The following PUM3 variants were observed in gnomAD, a reference collection of about 807,000 sequenced individuals.
The protein encoded by PUM3 is pumilio homolog 3.
A neutral mutation model predicts 84.0 loss-of-function variants in PUM3; 91 were observed. That is an observed-to-expected ratio of 1.08 (90% CI 0.91 to 1.29). PUM3 has a LOEUF of 1.29. Among genes scored for constraint, PUM3 ranks in the 50% most tolerant of loss-of-function variants. PUM3 has a pLI of 0.00. For missense variants in PUM3, 1,067 were observed against 767.5 expected (o/e 1.39, Z -4.61); for synonymous variants, 321 against 266.7 (o/e 1.20, Z -1.98).
chr9:2,834,802 C>G lies in PUM3; in HGVS notation c.305-636G>C, dbSNP rs1816075662. On this transcript the variant is annotated intron_variant, in intron 3 of 17. Transcript: ENST00000397885. ...GAACAACCAAAATTTCCAAGTTCGCCACAAACAGAGTGATACTATAAAAGT... is the reference window on the plus strand; with the variant it reads ...GAACAACCAAAATTTCCAAGTTCGCGACAAACAGAGTGATACTATAAAAGT... Among the ~76,000 whole-genome samples, 4 of 149,692 alleles carry G rather than the reference C, an allele frequency of 2.7e-5. No homozygotes were observed. The South Asian group carries it at 8.8e-4, about 33-fold the overall frequency.
chr9:2,807,720 G>A (rs1028168783), intron 17 of PUM3, 94 bp downstream of exon 17: 21 of 763,810 alleles, frequency 2.7e-5, no homozygotes, highest in South Asian at 1.6e-5. Flanking sequence ...TTAGACTACT[G>A]AGAACAAATA....
Position 2,804,275 on chromosome 9 carries a change from G to T in PUM3, c.*56C>A, listed in dbSNP as rs1821215965. 1.3e-6 allele frequency: 2 copies of T among 1,569,030 alleles called. No individual in the cohort carries two copies. The highest frequency in any genetic ancestry group is 1.4e-5 in the African/African-American group (1 of 73,388). The stretch of plus-strand genomic sequence containing the variant: ...ACCCTACCCCTTCTTTTCTGCATTG[G>T]GAAACAGAACAGAGAACAGAAAAAA... On this transcript the variant is annotated 3_prime_UTR_variant, in exon 18 of 18. Coordinates refer to ENST00000397885, the MANE Select transcript of PUM3 (RefSeq NM_014878.5).
intron 9 of PUM3, 45 bp from the exon 10 acceptor site, chr9:2,827,196 C>T (rs897851588): frequency 7.3e-7 from 1 of 1,373,426 alleles, no homozygotes. Flanking sequence ...AGATCTGGCA[C>T]TACAGTCATA....
At chr9:2,822,732 A>G (rs1447092876) in intron 12 of PUM3, among the ~76,000 whole-genome samples, 1 of 146,500 alleles carries the variant, frequency 6.8e-6, no homozygotes, top group Non-Finnish European at 1.5e-5. Context: ...TTATAACATA[A>G]TAATATAATG....
chr9:2,829,463 C>T (rs1156621252), intron 8 of PUM3, among the ~76,000 whole-genome samples: 3 of 152,194 alleles, frequency 2.0e-5, no homozygotes, highest in Non-Finnish European at 4.4e-5. Flanking sequence ...CACAACTTTG[C>T]TAACTATTGG....
At chr9:2,833,317 C>T (rs1816032626) in intron 5 of PUM3, 40 bp downstream of exon 5, 3 of 1,103,970 alleles carry the variant, frequency 2.7e-6, no homozygotes, top group Middle Eastern at 2.0e-4. Flanking sequence ...GAGGCAACTT[C>T]AACTGTTAAA....
At chr9:2,825,681 C>A (rs1208268339) in intron 10 of PUM3, among the ~76,000 whole-genome samples, 1 of 152,022 alleles carries the variant, frequency 6.6e-6, no homozygotes, top group African/African-American at 2.4e-5. Flanking sequence ...TGGGTTTCAC[C>A]ATATTGGCCA....
rs2270891 is a variant in PUM3, at chr9:2,828,742, C to A, written c.889G>T (p.Val297Leu). Residue 297 changes from valine (V) to leucine (L), a missense_variant, in exon 9 of 18, where the codon GTA becomes TTA. Transcript: ENST00000397885. ...ATAAGTTCTAATTTTTCTGGCTGTACCTCTAACACTTTGTCCAGAGTTCGG... is the reference window on the plus strand; with the variant it reads ...ATAAGTTCTAATTTTTCTGGCTGTAACTCTAACACTTTGTCCAGAGTTCGG... ...DHRTLDKVLE[V>L]QPEKLELIMD... The A allele has an allele frequency of 0.038, 60,671 of 1,605,370 alleles. 1,348 individuals carry two copies. Among genetic ancestry groups the A allele is most frequent in the East Asian group, 0.097 (4,359 of 44,770 alleles).
intron 1 of PUM3, among the ~76,000 whole-genome samples, chr9:2,839,309 G>A (rs1816208619): frequency 6.6e-6 from 1 of 152,092 alleles, no homozygotes; most frequent in African/African-American, 2.4e-5. Context: ...TTTGAAAGCT[G>A]GCTGTAAACA....
chr9:2,807,920 A>C lies in PUM3; in HGVS notation c.1724-16T>G. The C allele has an allele frequency of 6.6e-7, 1 of 1,505,580 alleles. No individual in the cohort carries two copies. The highest frequency in any genetic ancestry group is 1.1e-5 in the South Asian group (1 of 88,832). 93.3% of individuals were successfully genotyped at this position (1,505,580 alleles called of 1,614,324 possible). A position where few individuals can be genotyped will look rare whatever the true frequency, so the allele number is the denominator to read the frequency against. On this transcript the variant is annotated splice_polypyrimidine_tract_variant and intron_variant, in intron 16 of 17. Transcript: ENST00000397885. ...GCAAAACAACCTGTAAAATATACTG[A>C]AGCTTAGTGAACATCACATAATAAG... is the stretch of plus-strand genomic sequence containing the variant.
Position 2,824,741 on chromosome 9 carries a change from G to A in PUM3, c.1110C>T (p.His370=). ...CCTTGGGCGTGCCATGCCACAGGCA[G>A]TGCATGGCCACTCTGGCGCCATCGT... is the stretch of plus-strand genomic sequence containing the variant. ...HTHDGARVAM[H]CLWHGTPKDR... The change falls in exon 11 of 18, where the codon CAC becomes CAT. Residue 370 remains histidine, a synonymous_variant. Transcript: ENST00000397885. 3.2e-6 allele frequency: 5 copies of A among 1,577,994 alleles called. No homozygotes were observed. The highest frequency in any genetic ancestry group is 1.7e-5 in the Admixed American group (1 of 58,594).
chr9:2,833,983 C>T, intron 4 of PUM3, 48 bp downstream of exon 4: 1 of 1,585,608 alleles, frequency 6.3e-7, no homozygotes, highest in Non-Finnish European at 8.6e-7. Context: ...ACACTGACTT[C>T]TCCACTGTTG....
intron 13 of PUM3, among the ~76,000 whole-genome samples, chr9:2,817,212 A>T (rs1821487156): frequency 6.6e-6 from 1 of 152,244 alleles, no homozygotes; most frequent in African/African-American, 2.4e-5. Flanking sequence ...CACCAGGAAA[A>T]CAGAAAATAA....
chr9:2,831,645 C>G (rs1052429195), intron 5 of PUM3, among the ~76,000 whole-genome samples: 1 of 152,132 alleles, frequency 6.6e-6, no homozygotes. Flanking sequence ...GATGATTATA[C>G]AGACTATACT....
intron 5 of PUM3, among the ~76,000 whole-genome samples, chr9:2,831,679 G>T (rs572547362): frequency 6.6e-6 from 1 of 152,086 alleles, no homozygotes; most frequent in South Asian, 2.1e-4. Context: ...ATAAGTTACC[G>T]TCCCTAAAAG....
intron 15 of PUM3, among the ~76,000 whole-genome samples, chr9:2,811,071 A>G (rs1821357635): frequency 6.6e-6 from 1 of 152,178 alleles, no homozygotes; most frequent in Non-Finnish European, 1.5e-5. Context: ...TCCATGGCCC[A>G]CTTCTCTTCC....
intron 13 of PUM3, among the ~76,000 whole-genome samples, chr9:2,814,257 G>GCTAACCAC (rs1174205463): frequency 8.6e-5 from 13 of 151,958 alleles, no homozygotes; most frequent in Admixed American, 1.3e-4. Flanking sequence ...TGTTGCCCAG[G>GCTAACCAC]CTGGAGTGCA....
chr9:2,839,978 A>T (rs1460815436), intron 1 of PUM3, among the ~76,000 whole-genome samples: 1 of 152,178 alleles, frequency 6.6e-6, no homozygotes, highest in Non-Finnish European at 1.5e-5. Flanking sequence ...CAGTTTTTCC[A>T]CTAATATCCT....
At chr9:2,804,924 C>A (rs952263205) in intron 17 of PUM3, among the ~76,000 whole-genome samples, 1 of 152,176 alleles carries the variant, frequency 6.6e-6, no homozygotes, top group Non-Finnish European at 1.5e-5. Context: ...TGAACAGAGG[C>A]ACAGAGAGGT....
Sources: allele counts gnomAD v4.1 joint callset (sites outside exome capture counted in the v4.1 genomes callset), GRCh38; gene constraint gnomAD v4.1.1; transcripts MANE v1.5; gene names NCBI Gene and HGNC (gene_info 2026-07-23, HGNC 2026-07-21).